The following ARHGEF4 variants were observed in gnomAD, a reference collection of about 807,000 sequenced individuals.
ARHGEF4 encodes APC-stimulated guanine nucleotide exchange factor 1.
In ARHGEF4, 119 loss-of-function variants were observed where a neutral mutation model predicts 162.0. The observed-to-expected ratio is 0.73, with a 90% CI of 0.63 to 0.86. The LOEUF (loss-of-function observed/expected upper bound fraction) is 0.86. Among genes scored for constraint, ARHGEF4 ranks in the 40% least tolerant of loss-of-function variants. ARHGEF4 has a pLI of 0.00. For synonymous variants in ARHGEF4, 1,014 were observed against 979.9 expected (o/e 1.03, Z -0.65); for missense variants, 2,488 against 2,456.0 (o/e 1.01, Z -0.28).
intron 4 of ARHGEF4, among the ~76,000 whole-genome samples, chr2:130,948,227 G>A (rs1683737923): frequency 6.6e-6 from 1 of 152,218 alleles, no homozygotes; most frequent in Non-Finnish European, 1.5e-5. Context: ...CTGGTCCTGA[G>A]GGAGCTGGCT....
chr2:130,925,914 C>T (rs559222535), intron 2 of ARHGEF4, among the ~76,000 whole-genome samples: 1 of 152,076 alleles, frequency 6.6e-6, no homozygotes, highest in African/African-American at 2.4e-5. Context: ...TTTTTCACCC[C>T]AACCCACTTT....
intron 1 of ARHGEF4, among the ~76,000 whole-genome samples, chr2:130,865,570 G>T (rs1485317303): frequency 1.3e-5 from 2 of 152,162 alleles, no homozygotes; most frequent in East Asian, 3.9e-4. Flanking sequence ...AAAGTGATCT[G>T]CCACAATCAC....
intron 4 of ARHGEF4, among the ~76,000 whole-genome samples, chr2:130,975,690 G>A (rs1685655839): frequency 6.6e-6 from 1 of 152,170 alleles, no homozygotes; most frequent in Non-Finnish European, 1.5e-5. Context: ...AGTAAAACTG[G>A]AAGAACTGTA....
chr2:131,046,138 G>A lies in ARHGEF4; in HGVS notation c.5580G>A (p.Lys1860=). 2.5e-6 allele frequency: 4 copies of A among 1,613,012 alleles called. No homozygotes were observed. The highest frequency in any genetic ancestry group is 2.5e-6 in the Non-Finnish European group (3 of 1,179,898). The part of the protein sequence containing the change: ...QVLVLAEPRR[K]PSTFWHSISR... ...TGGTGCTGGCGGAGCCCAGGCGCAAGCCATCTACCTTCTGGCACAGCATCA... is the reference window on the plus strand; with the variant it reads ...TGGTGCTGGCGGAGCCCAGGCGCAAACCATCTACCTTCTGGCACAGCATCA... The change falls in exon 14 of 14, where the codon AAG becomes AAA. Residue 1860 remains lysine, a synonymous_variant. Transcript: ENST00000409359.
chr2:130,917,194 C>T lies in ARHGEF4; in HGVS notation c.3248C>T (p.Pro1083Leu), dbSNP rs1272905017. 1.3e-6 allele frequency: 2 copies of T among 1,550,494 alleles called. No individual in the cohort carries two copies. Among genetic ancestry groups the T allele is most frequent in the Non-Finnish European group, 8.7e-7 (1 of 1,146,976 alleles). ...SSACCLAYEN[P>L]GTPCRPTSPK... ...GCCTGCTGCCTGGCATATGAAAACC[C>T]CGGGACGCCCTGCAGACCCACGAGC... Residue 1083 changes from proline to leucine, a missense_variant, in exon 2 of 14, where the codon CCC (proline) becomes CTC (leucine). By Grantham distance (98) the Pro-to-Leu change is moderately conservative. Coordinates refer to ENST00000409359, the MANE Select transcript of ARHGEF4 (RefSeq NM_001367493.1).
At position 130,841,205 on chromosome 2, in the gene ARHGEF4, C is replaced by T. The variant is rs534158756; in HGVS notation, c.39+4213C>T. On this transcript the variant is annotated intron_variant, in intron 1 of 13. Coordinates refer to ENST00000409359, the MANE Select transcript of ARHGEF4 (RefSeq NM_001367493.1). ...TCAGCCTCCCAACTAGGTGGGATTACAGGCACGCACCACCATGCCTGACTA... is the reference window on the plus strand; with the variant it reads ...TCAGCCTCCCAACTAGGTGGGATTATAGGCACGCACCACCATGCCTGACTA... Among the ~76,000 whole-genome samples the T allele has an allele frequency of 3.9e-5, 6 of 152,082 alleles. No individual in the cohort carries two copies. In the East Asian group the frequency reaches 9.7e-4, roughly 25 times the overall value.
In ARHGEF4 at chr2:131,040,144, C is replaced by G. The variant is rs751350156; in HGVS notation, c.4434C>G (p.Ile1478Met). Residue 1478 changes from isoleucine (I) to methionine (M), a missense_variant, in exon 7 of 14, where the codon ATC becomes ATG. By Grantham distance (10) the Ile-to-Met change is conservative (BLOSUM62 1). Around this residue, in one of 6 missense-constraint regions of ARHGEF4, gnomAD observed 174 missense variants for 148.3 expected, o/e 1.17. Transcript: ENST00000409359. ...DQMRTNVINE[I>M]LSTERDYIKH... ...TGCGGACCAACGTCATCAACGAGAT[C>G]CTCAGCACTGAGCGGGACTACATCA... is the stretch of plus-strand genomic sequence containing the variant. 1 of 1,613,392 alleles carries G rather than the reference C, an allele frequency of 6.2e-7. No homozygotes were observed. The highest frequency in any genetic ancestry group is 8.5e-7 in the Non-Finnish European group (1 of 1,179,782).
intron 1 of ARHGEF4, among the ~76,000 whole-genome samples, chr2:130,838,621 AAAAG>A (rs974200805): frequency 9.2e-5 from 14 of 152,036 alleles, no homozygotes; most frequent in Non-Finnish European, 5.9e-5. Flanking sequence ...AAAGAAAAAG[AAAAG>A]AAGGAAGGAA....
chr2:130,972,697 T>C (rs1573490549), intron 4 of ARHGEF4, among the ~76,000 whole-genome samples: 1 of 152,064 alleles, frequency 6.6e-6, no homozygotes, highest in Non-Finnish European at 1.5e-5. Context: ...CTGTAAACTA[T>C]CAGCGAAAGA....
chr2:130,963,369 C>T (rs1034928412), intron 4 of ARHGEF4, among the ~76,000 whole-genome samples: 13 of 151,954 alleles, frequency 8.6e-5, no homozygotes, highest in Non-Finnish European at 1.8e-4. Flanking sequence ...GCCTGCCCGC[C>T]GGGTCTCTGC....
chr2:130,903,946 T>C (rs1680664268), intron 1 of ARHGEF4, among the ~76,000 whole-genome samples: 1 of 152,226 alleles, frequency 6.6e-6, no homozygotes, highest in Non-Finnish European at 1.5e-5. Flanking sequence ...CCTAAGTTGA[T>C]TCCATGTCTT....
At chr2:130,894,023 C>G (rs543781026) in intron 1 of ARHGEF4, among the ~76,000 whole-genome samples, 1 of 152,198 alleles carries the variant, frequency 6.6e-6, no homozygotes, top group Non-Finnish European at 1.5e-5. Context: ...GGCCAGCCGT[C>G]GCCCTGATGG....
chr2:131,043,504 C>T lies in ARHGEF4; in HGVS notation c.5078C>T (p.Thr1693Ile). The change falls in exon 11 of 14, where the codon ACT becomes ATT. Residue 1693 changes from threonine to isoleucine, a missense_variant. Coordinates refer to ENST00000409359, the MANE Select transcript of ARHGEF4 (RefSeq NM_001367493.1). ...GAACTCATCTACTCGGGGGAGCTGACTCGAGTTACACAGCCTCAAGCCAAA... is the reference window on the plus strand; with the variant it reads ...GAACTCATCTACTCGGGGGAGCTGATTCGAGTTACACAGCCTCAAGCCAAA... ...SSELIYSGEL[T>I]RVTQPQAKSQ... 5 of 1,614,094 alleles carry T rather than the reference C, an allele frequency of 3.1e-6. No individual in the cohort carries two copies. Among genetic ancestry groups the T allele is most frequent in the Non-Finnish European group, 4.2e-6 (5 of 1,180,026 alleles).
chr2:130,875,032 T>TG (rs1259711996), intron 1 of ARHGEF4, among the ~76,000 whole-genome samples: 1 of 152,218 alleles, frequency 6.6e-6, no homozygotes, highest in African/African-American at 2.4e-5. Flanking sequence ...ATGTTTCTGT[T>TG]GGAGTTCTCT....
At chr2:130,976,921 G>A (rs1013488667) in intron 4 of ARHGEF4, among the ~76,000 whole-genome samples, 1 of 151,094 alleles carries the variant, frequency 6.6e-6, no homozygotes, top group Non-Finnish European at 1.5e-5. Context: ...TGTGTATGGT[G>A]TGTTAGTATG....
chr2:131,045,622 G>A lies in ARHGEF4; in HGVS notation c.5479+176G>A, dbSNP rs555362577. 8.3e-6 allele frequency: 13 copies of A among 1,563,082 alleles called. No individual in the cohort carries two copies. The East Asian group carries it at 2.7e-4, about 33-fold the overall frequency. ...AATAAGGGGCCACTGGGGAAGCCTG[G>A]GTCAGTATATGGTTGACATTCTTAC... On this transcript the variant is annotated intron_variant, in intron 13 of 13. Coordinates refer to ENST00000409359, the MANE Select transcript of ARHGEF4 (RefSeq NM_001367493.1).
At chr2:130,969,768 C>T (rs1299446425) in intron 4 of ARHGEF4, among the ~76,000 whole-genome samples, 1 of 152,052 alleles carries the variant, frequency 6.6e-6, no homozygotes. Context: ...AGTTTTATTG[C>T]CCCAGAACAT....
intron 1 of ARHGEF4, among the ~76,000 whole-genome samples, chr2:130,910,449 C>T (rs989305277): frequency 6.6e-6 from 1 of 152,010 alleles, no homozygotes. Context: ...AATAAAGGAG[C>T]CACTCATAGG....
intron 1 of ARHGEF4, among the ~76,000 whole-genome samples, chr2:130,897,127 T>A (rs1680203026): frequency 6.6e-6 from 1 of 152,184 alleles, no homozygotes; most frequent in African/African-American, 2.4e-5. Flanking sequence ...AACATTCCCC[T>A]TGCAGCGCAC....
Sources: gnomAD v4.1 joint callset for allele counts (sites outside exome capture counted in the v4.1 genomes callset) on GRCh38, gnomAD v4.1.1 for gene constraint, gnomAD v4.1.1 regional missense constraint, MANE v1.5 for transcripts, NCBI Gene and HGNC (gene_info 2026-07-23, HGNC 2026-07-21) for gene names.